DENND1A: variants seen among roughly 807,000 people sequenced by gnomAD.
The protein encoded by DENND1A is DENN domain-containing protein 1A.
A neutral mutation model predicts 113.7 loss-of-function variants in DENND1A; 51 were observed. The observed-to-expected ratio is 0.45, with a 90% CI of 0.36 to 0.57. The LOEUF (loss-of-function observed/expected upper bound fraction) is 0.57. Ranked by LOEUF, DENND1A falls within the 20% of genes least tolerant of loss-of-function variation. DENND1A has a pLI of 0.00. For synonymous variants in DENND1A, 565 were observed against 570.8 expected (o/e 0.99, Z 0.14); for missense variants, 1,258 against 1,395.9 (o/e 0.90, Z 1.57).
At chr9:123,421,838 TTGC>T (rs1344749213) in intron 19 of DENND1A, among the ~76,000 whole-genome samples, 1 of 151,770 alleles carries the variant, frequency 6.6e-6, no homozygotes, top group Non-Finnish European at 1.5e-5. Flanking sequence ...CCCAGGAGAG[TTGC>T]TCACATCCCT....
intron 1 of DENND1A, among the ~76,000 whole-genome samples, chr9:123,906,888 G>A (rs1311518390): frequency 6.9e-5 from 7 of 102,106 alleles, no homozygotes; most frequent in African/African-American, 1.5e-4. Flanking sequence ...TACCAAAGCC[G>A]GGCAGAGACA....
At position 123,617,252 on chromosome 9, in the gene DENND1A, T is replaced by G. The variant is rs996658040; in HGVS notation, c.720-7771A>C. Reference sequence around the variant, plus strand: ...CGATCCATGAGGAGACCAGGAATAATTCTAGATTAGGGGAGAAGGCAGAGA... The same window carrying G: ...CGATCCATGAGGAGACCAGGAATAAGTCTAGATTAGGGGAGAAGGCAGAGA... On this transcript the variant is annotated intron_variant, in intron 10 of 23. Coordinates refer to ENST00000394215, the MANE Select transcript of DENND1A (RefSeq NM_001352964.2). Among the ~76,000 whole-genome samples the G allele has an allele frequency of 4.6e-5, 7 of 152,316 alleles. No homozygotes were observed. In the East Asian group the frequency reaches 1.4e-3, roughly 29 times the overall value.
At chr9:123,516,245 G>T (rs757715928) in intron 13 of DENND1A, among the ~76,000 whole-genome samples, 1 of 152,012 alleles carries the variant, frequency 6.6e-6, no homozygotes, top group Non-Finnish European at 1.5e-5. Context: ...GGGTACATGG[G>T]GGGTGTGTAC....
intron 18 of DENND1A, among the ~76,000 whole-genome samples, chr9:123,446,197 C>T (rs1358288527): frequency 1.3e-5 from 2 of 152,204 alleles, no homozygotes; most frequent in African/African-American, 2.4e-5. Flanking sequence ...TGAGAACTCC[C>T]GTCTCCATTT....
At chr9:123,863,486 A>G (rs746984491) in intron 2 of DENND1A, among the ~76,000 whole-genome samples, 12 of 152,234 alleles carry the variant, frequency 7.9e-5, no homozygotes, top group Non-Finnish European at 1.3e-4. Context: ...ATTCTTTGTC[A>G]TAAAAGCTGC....
At chr9:123,564,850 T>A (rs1399702647) in intron 12 of DENND1A, among the ~76,000 whole-genome samples, 3 of 152,214 alleles carry the variant, frequency 2.0e-5, no homozygotes, top group Non-Finnish European at 4.4e-5. Flanking sequence ...CAAATATCAC[T>A]TCCTCTGTTG....
At chr9:123,722,955 A>G (rs1250629465) in intron 5 of DENND1A, among the ~76,000 whole-genome samples, 8 of 152,230 alleles carry the variant, frequency 5.3e-5, no homozygotes, top group Admixed American at 5.2e-4. Flanking sequence ...TGGCAGATCC[A>G]CTGACAGCTT....
intron 19 of DENND1A, among the ~76,000 whole-genome samples, chr9:123,412,132 C>T (rs111686947): frequency 0.01 from 1,563 of 152,344 alleles, 13 homozygotes; most frequent in Non-Finnish European, 0.014. Context: ...CGAGCCCACC[C>T]CCTCTCCAGA....
chr9:123,793,555 GA>G (rs1833325248), intron 2 of DENND1A, among the ~76,000 whole-genome samples: 1 of 152,148 alleles, frequency 6.6e-6, no homozygotes, highest in Non-Finnish European at 1.5e-5. Context: ...AAGGCTTATG[GA>G]AAATCATAGA....
At position 123,440,389 on chromosome 9, in the gene DENND1A, G is replaced by A. The variant is rs146278757; in HGVS notation, c.1459C>T (p.Arg487Trp). ...EAKDPKLREDRRPITVHFGQL... is the reference protein window; with the variant it reads ...EAKDPKLREDWRPITVHFGQL... ...CCAAAGTGGACTGTGATTGGCCGCC[G>A]GTCTTCTCGGAGCTTGGGGTCCTTG... is the stretch of plus-strand genomic sequence containing the variant. Residue 487 changes from arginine (R) to tryptophan (W), a missense_variant, in exon 19 of 24, where the codon CGG becomes TGG. Transcript: ENST00000394215. 2.0e-4 allele frequency: 324 copies of A among 1,601,366 alleles called. No homozygotes were observed. The highest frequency in any genetic ancestry group is 2.4e-4 in the Non-Finnish European group (285 of 1,175,062).
At chr9:123,711,833 G>A (rs1228677262) in intron 5 of DENND1A, among the ~76,000 whole-genome samples, 4 of 151,848 alleles carry the variant, frequency 2.6e-5, no homozygotes, top group Non-Finnish European at 4.4e-5. Flanking sequence ...TTCATCTTAC[G>A]GCTCCTTTTC....
chr9:123,872,766 C>T (rs902895944), intron 2 of DENND1A, among the ~76,000 whole-genome samples: 1 of 152,072 alleles, frequency 6.6e-6, no homozygotes, highest in African/African-American at 2.4e-5. Context: ...CTTTAATTTA[C>T]AATGAAAATA....
At chr9:123,435,869 G>A (rs993797803) in intron 19 of DENND1A, among the ~76,000 whole-genome samples, 9 of 152,230 alleles carry the variant, frequency 5.9e-5, no homozygotes, top group Admixed American at 2.0e-4. Flanking sequence ...GCCTCCTCAT[G>A]TGTACGATGG....
intron 12 of DENND1A, among the ~76,000 whole-genome samples, chr9:123,568,276 G>T (rs2058164099): frequency 2.0e-5 from 3 of 152,138 alleles, no homozygotes; most frequent in Admixed American, 2.0e-4. Context: ...ATGCCTCTAG[G>T]CAAGTTACTT....
chr9:123,564,171 C>A (rs540996134), intron 12 of DENND1A, among the ~76,000 whole-genome samples: 18 of 152,350 alleles, frequency 1.2e-4, no homozygotes, highest in South Asian at 4.1e-4. Context: ...TATATACCAG[C>A]AGTTTACATG....
chr9:123,568,179 G>A (rs1004719296), intron 12 of DENND1A, among the ~76,000 whole-genome samples: 1 of 152,152 alleles, frequency 6.6e-6, no homozygotes, highest in Admixed American at 6.5e-5. Context: ...TAGGCATGAG[G>A]GGACCACACT....
chr9:123,427,048 C>T (rs893988241), intron 19 of DENND1A, among the ~76,000 whole-genome samples: 18 of 152,268 alleles, frequency 1.2e-4, no homozygotes, highest in African/African-American at 3.9e-4. Flanking sequence ...GCAAGCTGGC[C>T]GTGAGGAGCT....
chr9:123,888,671 C>T (rs112698181), intron 1 of DENND1A, among the ~76,000 whole-genome samples: 3,806 of 152,138 alleles, frequency 0.025, 98 homozygotes, highest in Non-Finnish European at 0.034. Flanking sequence ...AAAGTGTCAA[C>T]GTCATGAAAA....
intron 1 of DENND1A, among the ~76,000 whole-genome samples, 160 bp downstream of exon 1, chr9:123,929,729 G>T (rs1857697258): frequency 6.7e-6 from 1 of 148,326 alleles, no homozygotes; most frequent in Non-Finnish European, 1.5e-5. Context: ...CGCCTCCCTG[G>T]ATCGCCATAG....
Sources: allele counts gnomAD v4.1 joint callset (sites outside exome capture counted in the v4.1 genomes callset), GRCh38; gene constraint gnomAD v4.1.1; transcripts MANE v1.5; gene names NCBI Gene and HGNC (gene_info 2026-07-23, HGNC 2026-07-21).